PHF11: variants seen among roughly 807,000 people sequenced by gnomAD.
PHF11 encodes BRCA1 C-terminus-associated protein.
Under a neutral mutation model 40.5 loss-of-function variants are expected in PHF11, and 38 were observed. That is an observed-to-expected ratio of 0.94 (90% confidence interval 0.72 to 1.23). The LOEUF (loss-of-function observed/expected upper bound fraction) is 1.23. Among genes scored for constraint, PHF11 ranks in the 50% most tolerant of loss-of-function variants. The pLI, the probability that PHF11 is intolerant of heterozygous loss-of-function variation, is 0.00. For synonymous variants in PHF11, 127 were observed against 138.2 expected, an observed-to-expected ratio of 0.92 and a Z score of 0.57; for missense variants, 369 against 392.4, an observed-to-expected ratio of 0.94 and a Z score of 0.50.
At chr13:49,499,953 T>C (rs942825703) in intron 1 of PHF11, among the ~76,000 whole-genome samples, 7 of 152,330 alleles carry the variant, frequency 4.6e-5, no homozygotes, top group African/African-American at 1.7e-4. Context: ...CTACCCCAGA[T>C]TCTGTGCCCT....
At chr13:49,523,684 C>T (rs1326865269) in intron 7 of PHF11, 1 of 226,830 alleles carries the variant, frequency 4.4e-6, no homozygotes, top group Non-Finnish European at 8.5e-6. Flanking sequence ...AACTACATAT[C>T]GGGTACAGTG....
Position 49,522,034 on chromosome 13 carries a change from T to C in PHF11, c.506-9T>C, listed in dbSNP as rs769719103. On this transcript the variant is annotated splice_polypyrimidine_tract_variant and intron_variant, in intron 5 of 9. Transcript: ENST00000378319. Reference sequence around the variant, plus strand: ...TGGATTCCAATTTTTAAATGGTTTATATTTTTAGCTAAATTTTCAGGAGTG... The same window carrying C: ...TGGATTCCAATTTTTAAATGGTTTACATTTTTAGCTAAATTTTCAGGAGTG... The C allele has an allele frequency of 1.5e-6, 2 of 1,369,812 alleles. No homozygotes were observed. Among genetic ancestry groups the C allele is most frequent in the South Asian group, 1.2e-5 (1 of 85,192 alleles). The allele number at this position is 1,369,812 out of a possible 1,614,324, so 84.9% of individuals were successfully genotyped here. A position where few individuals can be genotyped will look rare whatever the true frequency, so the allele number is the denominator to read the frequency against.
intron 2 of PHF11, among the ~76,000 whole-genome samples, chr13:49,509,615 G>A (rs767601753): frequency 6.6e-6 from 1 of 152,180 alleles, no homozygotes; most frequent in East Asian, 1.9e-4. Context: ...GTGGAGCCAG[G>A]TGGAGATAAG....
chr13:49,521,578 A>G lies in PHF11; in HGVS notation c.506-465A>G, dbSNP rs894984765. Reference sequence around the variant, plus strand: ...TTTTAACTCAGCAGGAAAGGCTATTACAGATACTTCTTTAAATCAGTGTTT... The same window carrying G: ...TTTTAACTCAGCAGGAAAGGCTATTGCAGATACTTCTTTAAATCAGTGTTT... On this transcript the variant is annotated intron_variant, in intron 5 of 9. Transcript: ENST00000378319. The G allele has an allele frequency of 1.6e-5, 11 of 668,092 alleles. No individual in the cohort carries two copies. In the African/African-American group the frequency reaches 1.8e-4, roughly 11 times the overall value. 41.4% of individuals were successfully genotyped at this position (668,092 alleles called of 1,614,324 possible).
chr13:49,523,384 A>G (rs1450644529), intron 7 of PHF11, 143 bp downstream of exon 7: 2 of 634,096 alleles, frequency 3.2e-6, no homozygotes, highest in Non-Finnish European at 5.7e-6. Context: ...CTTTATCGCA[A>G]CTGTCCACTC....
intron 9 of PHF11, among the ~76,000 whole-genome samples, chr13:49,527,760 C>T (rs1486788012): frequency 1.3e-5 from 2 of 152,060 alleles, no homozygotes; most frequent in Admixed American, 1.3e-4. Context: ...GGTGGGAGTA[C>T]ATATATTATA....
intron 1 of PHF11, 83 bp from the exon 2 acceptor site, chr13:49,506,552 C>A (rs1449220823): frequency 2.5e-6 from 3 of 1,218,290 alleles, no homozygotes; most frequent in Non-Finnish European, 3.6e-6. Flanking sequence ...AAGTGCCCTG[C>A]CTTCCACTTG....
intron 1 of PHF11, among the ~76,000 whole-genome samples, chr13:49,496,830 C>CT (rs34505707): frequency 0.5 from 43,473 of 87,406 alleles, 11,824 homozygotes; most frequent in Non-Finnish European, 0.55. Context: ...TGGGCTTACC[C>CT]TTTTTTTTTT....
rs1473453658 is a variant in PHF11 at position 49,504,516 on chromosome 13, C to T, written c.95-2119C>T. 3.0e-4 allele frequency among the ~76,000 whole-genome samples: 16 copies of T among 52,558 alleles called. 1 individual carries two copies. The East Asian group carries it at 7.8e-3, about 26-fold the overall frequency. 34.5% of individuals were successfully genotyped at this position (52,558 alleles called of 152,430 possible). A position where few individuals can be genotyped will look rare whatever the true frequency, so the allele number is the denominator to read the frequency against. ...GCCGCCCCGTCCGGGAGGTGAGGGG[C>T]GCCTCTGCCTGGCCGCCCCTACTGG... On this transcript the variant is annotated intron_variant, in intron 1 of 9. Coordinates refer to ENST00000378319, the MANE Select transcript of PHF11 (RefSeq NM_001040443.3).
At chr13:49,511,540 C>T (rs1353759710) in intron 2 of PHF11, among the ~76,000 whole-genome samples, 1 of 152,070 alleles carries the variant, frequency 6.6e-6, no homozygotes, top group Non-Finnish European at 1.5e-5. Flanking sequence ...GTTGGCCTGA[C>T]TGGTCTCGAT....
intron 2 of PHF11, among the ~76,000 whole-genome samples, chr13:49,508,972 C>T (rs757041923): frequency 6.6e-6 from 1 of 152,046 alleles, no homozygotes; most frequent in African/African-American, 2.4e-5. Context: ...AAAATTATAG[C>T]GTATTGAATA....
chr13:49,504,247 G>GA (rs2139035793), intron 1 of PHF11, among the ~76,000 whole-genome samples: 1 of 151,870 alleles, frequency 6.6e-6, no homozygotes, highest in Admixed American at 6.6e-5. Flanking sequence ...AGGAGTTTGA[G>GA]ACCAGCCTGG....
At chr13:49,521,539 T>G (rs1959187836) in intron 5 of PHF11, 3 of 960,138 alleles carry the variant, frequency 3.1e-6, no homozygotes, top group Non-Finnish European at 3.7e-6. Flanking sequence ...ACAATCATTT[T>G]TCAGTCGTTA....
At chr13:49,513,646 A>C (rs1450042697) in intron 3 of PHF11, among the ~76,000 whole-genome samples, 2 of 152,112 alleles carry the variant, frequency 1.3e-5, no homozygotes, top group Non-Finnish European at 2.9e-5. Flanking sequence ...TTAATATTTT[A>C]AAATAAACTA....
At chr13:49,519,025 C>T (rs1959175162) in intron 4 of PHF11, among the ~76,000 whole-genome samples, 1 of 151,704 alleles carries the variant, frequency 6.6e-6, no homozygotes, top group Non-Finnish European at 1.5e-5. Context: ...TTAGTAGAGA[C>T]GGGGTTTCAC....
At chr13:49,508,105 ATAAT>A (rs1309092139) in intron 2 of PHF11, among the ~76,000 whole-genome samples, 6 of 148,256 alleles carry the variant, frequency 4.0e-5, no homozygotes, top group Non-Finnish European at 3.0e-5. Flanking sequence ...ATTAATATAA[ATAAT>A]TAGAGAGACA....
intron 3 of PHF11, among the ~76,000 whole-genome samples, chr13:49,516,488 C>A (rs2139060186): frequency 1.3e-5 from 2 of 149,560 alleles, no homozygotes; most frequent in South Asian, 4.4e-4. Context: ...AAAACTTTAT[C>A]TAGTATGCTA....
Position 49,514,762 on chromosome 13 carries a change from TAA to T in PHF11, c.324+1610_324+1611del, listed in dbSNP as rs10715395. ...AACAGAGTGAGACTCTGTCTCAAATTAAAAAAAAAAAAAAAGAGTGTGTGGAT... is the reference window on the plus strand; with the variant it reads ...AACAGAGTGAGACTCTGTCTCAAATTAAAAAAAAAAAAAGAGTGTGTGGAT... On this transcript the variant is annotated intron_variant, in intron 3 of 9. Coordinates refer to ENST00000378319, the MANE Select transcript of PHF11 (RefSeq NM_001040443.3). Among the ~76,000 whole-genome samples, 1,161 of 143,644 alleles carry T rather than the reference TAA, an allele frequency of 8.1e-3. 13 individuals carry two copies. Among genetic ancestry groups the T allele is most frequent in the African/African-American group, 0.021 (834 of 38,838 alleles). The allele number at this position is 143,644 out of a possible 152,430, so 94.2% of individuals were successfully genotyped here. A position where few individuals can be genotyped will look rare whatever the true frequency, so the allele number is the denominator to read the frequency against.
chr13:49,523,145 A>T, intron 6 of PHF11, 30 bp from the exon 7 acceptor site: 1 of 1,392,772 alleles, frequency 7.2e-7, no homozygotes, highest in Non-Finnish European at 1.0e-6. Context: ...ATTAAAATCA[A>T]TGTAATGCAA....
Sources: gnomAD v4.1 joint callset for allele counts (sites outside exome capture counted in the v4.1 genomes callset) on GRCh38, gnomAD v4.1.1 for gene constraint, MANE v1.5 for transcripts, NCBI Gene and HGNC (gene_info 2026-07-23, HGNC 2026-07-21) for gene names.